Variants in SPART observed in about 807,000 individuals in gnomAD.
The protein encoded by SPART is spartin.
Under a neutral mutation model 58.7 loss-of-function variants are expected in SPART, and 35 were observed. The ratio of observed to expected loss-of-function variants is 0.60; its 90% CI spans 0.46 to 0.79. The LOEUF (loss-of-function observed/expected upper bound fraction) is 0.79. SPART is among the 30% of genes least tolerant of loss of function. The pLI is 0.00. For synonymous variants in SPART, 284 were observed against 280.7 expected (o/e 1.01, Z -0.12); for missense variants, 730 against 786.1 (o/e 0.93, Z 0.85).
chr13:36,353,016 T>G (rs887104868), intron 1 of SPART, among the ~76,000 whole-genome samples: 7 of 152,148 alleles, frequency 4.6e-5, no homozygotes, highest in Non-Finnish European at 8.8e-5. Context: ...CATGATAGAC[T>G]GACAAAAGAC....
intron 5 of SPART, 138 bp downstream of exon 5, chr13:36,326,437 A>T: frequency 1.0e-6 from 1 of 991,740 alleles, no homozygotes; most frequent in Non-Finnish European, 1.5e-6. Context: ...AGTTCCTTCT[A>T]CATTTATTTC....
chr13:36,338,890 A>C (rs1039747705), intron 1 of SPART, among the ~76,000 whole-genome samples: 1 of 152,094 alleles, frequency 6.6e-6, no homozygotes, highest in African/African-American at 2.4e-5. Flanking sequence ...TGTCCAAGCA[A>C]TTCACCGTTC....
At chr13:36,336,162 A>G (rs1883987576) in intron 1 of SPART, 2 of 201,812 alleles carry the variant, frequency 9.9e-6, no homozygotes, top group African/African-American at 4.7e-5. Context: ...TGGTTGAAAC[A>G]AGAGTCTCAT....
intron 8 of SPART, among the ~76,000 whole-genome samples, chr13:36,311,060 A>G (rs1881035960): frequency 6.6e-6 from 1 of 152,204 alleles, no homozygotes; most frequent in Admixed American, 6.5e-5. Flanking sequence ...AGGGTCTCCT[A>G]GAGAGTAGCT....
At chr13:36,321,533 A>C (rs1400771458) in intron 5 of SPART, among the ~76,000 whole-genome samples, 1 of 151,946 alleles carries the variant, frequency 6.6e-6, no homozygotes, top group Non-Finnish European at 1.5e-5. Context: ...TTCTTCTAAC[A>C]ACCCCACAAT....
At chr13:36,340,471 C>T (rs1884469014) in intron 1 of SPART, among the ~76,000 whole-genome samples, 1 of 151,460 alleles carries the variant, frequency 6.6e-6, no homozygotes, top group Admixed American at 6.6e-5. Context: ...AAAATACTTA[C>T]ACACAAAAAA....
chr13:36,309,556 T>TAA (rs35762352), intron 8 of SPART, among the ~76,000 whole-genome samples: 2 of 151,782 alleles, frequency 1.3e-5, no homozygotes, highest in Non-Finnish European at 2.9e-5. Flanking sequence ...TACACAGCCC[T>TAA]AAAAAAATGA....
intron 1 of SPART, among the ~76,000 whole-genome samples, chr13:36,355,098 A>C (rs145916409): frequency 2.5e-3 from 378 of 152,292 alleles, no homozygotes; most frequent in Non-Finnish European, 4.4e-3. Flanking sequence ...TTGATAATGG[A>C]GTTGCAGTGA....
intron 1 of SPART, among the ~76,000 whole-genome samples, chr13:36,339,650 A>AAAT: frequency 6.7e-6 from 1 of 150,268 alleles, no homozygotes; most frequent in East Asian, 1.9e-4. Context: ...AAAAAAAAAA[A>AAAT]AACCAACCAA....
intron 5 of SPART, 183 bp downstream of exon 5, chr13:36,326,392 T>C (rs1882935990): frequency 1.5e-6 from 1 of 670,358 alleles, no homozygotes; most frequent in Non-Finnish European, 2.5e-6. Context: ...GAAGAATTTA[T>C]ACTTATATGA....
rs576836187 is a variant in SPART, at chr13:36,354,401, GT to G, written c.-3+15687del. Among the ~76,000 whole-genome samples, 190 of 152,284 alleles carry G rather than the reference GT, an allele frequency of 1.2e-3. 3 individuals carry two copies. The highest frequency in any genetic ancestry group is 0.012 in the Admixed American group (185 of 15,294). ...GGAATATTCTGTTCTGATAAGAATG[GT>G]TTTTTTATGCCTTTTGCCTGTGGGA... On this transcript the variant is annotated intron_variant, in intron 1 of 8. Transcript: ENST00000355182.
intron 1 of SPART, among the ~76,000 whole-genome samples, chr13:36,358,633 G>C (rs1419257133): frequency 1.3e-5 from 2 of 152,140 alleles, no homozygotes; most frequent in African/African-American, 4.8e-5. Flanking sequence ...ATGTAGAGAA[G>C]TCCCTGTAGT....
chr13:36,355,565 T>C (rs564973988), intron 1 of SPART, among the ~76,000 whole-genome samples: 1 of 152,332 alleles, frequency 6.6e-6, no homozygotes, highest in African/African-American at 2.4e-5. Flanking sequence ...TCTCCTACTA[T>C]ATATGTTACT....
intron 6 of SPART, among the ~76,000 whole-genome samples, chr13:36,313,741 C>G (rs976073099): frequency 2.0e-5 from 3 of 152,118 alleles, no homozygotes; most frequent in Admixed American, 1.3e-4. Context: ...ATCATATAGC[C>G]TAGGTGTGGA....
rs747823180 is a variant in SPART at position 36,304,498 on chromosome 13, G to C, written c.1868C>G (p.Thr623Ser). The stretch of plus-strand genomic sequence containing the variant: ...AACTATCTGATAGTCCTCAAGGAGA[G>C]TGTGTCCTGTTTGTGTTGCAGTTTT... ...VKKTATQTGHTLLEDYQIVDN... is the reference protein window; with the variant it reads ...VKKTATQTGHSLLEDYQIVDN... The change falls in exon 9 of 9, where the codon ACT becomes AGT. Residue 623 changes from threonine to serine, a missense_variant. Transcript: ENST00000438666. 1 of 1,614,130 alleles carries C rather than the reference G, an allele frequency of 6.2e-7. No individual in the cohort carries two copies. The highest frequency in any genetic ancestry group is 8.5e-7 in the Non-Finnish European group (1 of 1,180,014).
intron 1 of SPART, among the ~76,000 whole-genome samples, chr13:36,353,619 C>T (rs149208472): frequency 1.3e-4 from 20 of 152,032 alleles, no homozygotes; most frequent in Non-Finnish European, 2.6e-4. Context: ...CTGGGTTGGG[C>T]GCTGTCAGGA....
At chr13:36,357,604 G>A (rs1438917473) in intron 1 of SPART, among the ~76,000 whole-genome samples, 1 of 152,154 alleles carries the variant, frequency 6.6e-6, no homozygotes, top group East Asian at 1.9e-4. Context: ...GAACCCTTTG[G>A]CAAAACAGCA....
At chr13:36,339,128 A>G (rs1884313952) in intron 1 of SPART, among the ~76,000 whole-genome samples, 1 of 152,204 alleles carries the variant, frequency 6.6e-6, no homozygotes, top group Non-Finnish European at 1.5e-5. Context: ...AACATAAAGA[A>G]AAAGAAAATA....
Position 36,331,550 on chromosome 13 carries a change from AGAAC to A in SPART, c.853_856del (p.Val285Ter), listed in dbSNP as rs754744019. On this transcript the variant is annotated frameshift_variant, in exon 3 of 9. Transcript: ENST00000438666. LOFTEE classifies it high-confidence loss of function. ...CATGTAGGCTCCCGCAGTACATTTC[AGAAC>A]CGGAGATCTATCAGGAACTAGAGGA... 6 of 1,614,168 alleles carry A rather than the reference AGAAC, an allele frequency of 3.7e-6. No individual in the cohort carries two copies. The highest frequency in any genetic ancestry group is 4.2e-6 in the Non-Finnish European group (5 of 1,180,014).
Sources: allele counts gnomAD v4.1 joint callset (sites outside exome capture counted in the v4.1 genomes callset), GRCh38; gene constraint gnomAD v4.1.1; transcripts MANE v1.5; gene names NCBI Gene and HGNC (gene_info 2026-07-23, HGNC 2026-07-21).